The following SLC35F3 variants were observed in gnomAD, a reference collection of about 807,000 sequenced individuals.
The protein encoded by SLC35F3 is solute carrier family 35 member F3, also known as putative thiamine transporter SLC35F3.
A neutral mutation model predicts 49.9 loss-of-function variants in SLC35F3; 25 were observed. The ratio of observed to expected loss-of-function variants is 0.50; its 90% CI spans 0.37 to 0.70. The LOEUF is 0.70. SLC35F3 is among the 30% of genes least tolerant of loss of function. SLC35F3 has a pLI of 0.00. For synonymous variants in SLC35F3, 275 were observed against 265.4 expected, an observed-to-expected ratio of 1.04 and a Z score of -0.35; for missense variants, 525 against 639.8, an observed-to-expected ratio of 0.82 and a Z score of 1.94.
At chr1:234,024,315 G>A in intron 2 of SLC35F3, among the ~76,000 whole-genome samples, 1 of 152,114 alleles carries the variant, frequency 6.6e-6, no homozygotes, top group Non-Finnish European at 1.5e-5. Flanking sequence ...GGAAGATGCT[G>A]AGAACAGGAG....
intron 2 of SLC35F3, among the ~76,000 whole-genome samples, chr1:234,099,145 A>T (rs138968135): frequency 9.1e-4 from 138 of 152,226 alleles, no homozygotes; most frequent in African/African-American, 2.9e-3. Context: ...AAAAGGCAGA[A>T]ATCATATCAT....
chr1:234,121,725 C>G (rs1410504147), intron 2 of SLC35F3, among the ~76,000 whole-genome samples: 2 of 152,122 alleles, frequency 1.3e-5, no homozygotes, highest in East Asian at 1.9e-4. Flanking sequence ...CCTCCCACCC[C>G]CTGACAGGCC....
intron 3 of SLC35F3, among the ~76,000 whole-genome samples, chr1:234,265,402 G>T (rs2102970448): frequency 6.6e-6 from 1 of 151,706 alleles, no homozygotes; most frequent in South Asian, 2.1e-4. Flanking sequence ...TCAACTCCTG[G>T]ACTCAAGCGA....
intron 3 of SLC35F3, among the ~76,000 whole-genome samples, chr1:234,274,771 A>G (rs1344552318): frequency 6.6e-6 from 1 of 152,218 alleles, no homozygotes; most frequent in Non-Finnish European, 1.5e-5. Context: ...GTCCTCACAA[A>G]CATTAATCTT....
chr1:233,981,660 C>T lies in SLC35F3; in HGVS notation c.283+75902C>T, dbSNP rs112128252. On this transcript the variant is annotated intron_variant, in intron 2 of 7. Transcript: ENST00000366618. ...TTTGTGTGGACAGAATTCCACTTTT[C>T]TCTGGAAAAAAAAAAAAAGCTCAGG... 3.9e-3 allele frequency among the ~76,000 whole-genome samples: 570 copies of T among 147,040 alleles called. 3 individuals are homozygous for T. Among genetic ancestry groups the T allele is most frequent in the Non-Finnish European group, 5.9e-3 (395 of 67,400 alleles).
At chr1:233,934,150 G>A (rs1053289690) in intron 2 of SLC35F3, among the ~76,000 whole-genome samples, 1 of 152,110 alleles carries the variant, frequency 6.6e-6, no homozygotes, top group African/African-American at 2.4e-5. Flanking sequence ...ATGTCTTTAG[G>A]TTCAGAAGTA....
At chr1:233,928,265 A>G (rs555656229) in intron 2 of SLC35F3, among the ~76,000 whole-genome samples, 134 of 152,292 alleles carry the variant, frequency 8.8e-4, no homozygotes, top group Non-Finnish European at 1.1e-3. Flanking sequence ...AGGTCACACT[A>G]TGGGTTCTGT....
chr1:233,940,608 C>A (rs1044535189), intron 2 of SLC35F3, among the ~76,000 whole-genome samples: 5 of 152,204 alleles, frequency 3.3e-5, no homozygotes, highest in Non-Finnish European at 7.3e-5. Context: ...CCTGACAATA[C>A]AGCAGTAAGG....
chr1:234,105,368 G>A (rs1665271311), intron 2 of SLC35F3, among the ~76,000 whole-genome samples: 1 of 152,166 alleles, frequency 6.6e-6, no homozygotes, highest in Non-Finnish European at 1.5e-5. Context: ...AAGACCTTCT[G>A]TCCCCAGGGC....
At chr1:234,281,955 T>C (rs1668333325) in intron 3 of SLC35F3, among the ~76,000 whole-genome samples, 1 of 152,176 alleles carries the variant, frequency 6.6e-6, no homozygotes, top group African/African-American at 2.4e-5. Flanking sequence ...ACGCAATGGC[T>C]GTGAGGCTGA....
At chr1:233,923,349 G>C (rs984614565) in intron 2 of SLC35F3, among the ~76,000 whole-genome samples, 5 of 152,110 alleles carry the variant, frequency 3.3e-5, no homozygotes, top group Non-Finnish European at 7.3e-5. Context: ...AGTTCTCCTT[G>C]AAGAGGCCCT....
chr1:234,083,187 A>G (rs952857429), intron 2 of SLC35F3, among the ~76,000 whole-genome samples: 9 of 152,202 alleles, frequency 5.9e-5, no homozygotes, highest in Non-Finnish European at 1.2e-4. Context: ...CAAAACTGCA[A>G]CTATACTGGC....
intron 3 of SLC35F3, among the ~76,000 whole-genome samples, chr1:234,299,927 AAG>A (rs970445499): frequency 2.1e-4 from 32 of 152,230 alleles, no homozygotes; most frequent in Admixed American, 1.2e-3. Flanking sequence ...AAAACAGAGA[AAG>A]AGAGAGAAAA....
intron 3 of SLC35F3, among the ~76,000 whole-genome samples, chr1:234,238,693 C>A (rs984787127): frequency 6.6e-6 from 1 of 152,158 alleles, no homozygotes; most frequent in East Asian, 1.9e-4. Flanking sequence ...CCAAACACCC[C>A]TACAGACAAG....
intron 2 of SLC35F3, among the ~76,000 whole-genome samples, chr1:233,980,772 C>T (rs1441923402): frequency 6.6e-6 from 1 of 152,202 alleles, no homozygotes; most frequent in Non-Finnish European, 1.5e-5. Context: ...GCTCCCTTCA[C>T]ATCGTACTGT....
intron 2 of SLC35F3, among the ~76,000 whole-genome samples, chr1:233,979,445 G>A (rs902665594): frequency 6.6e-6 from 1 of 152,206 alleles, no homozygotes; most frequent in African/African-American, 2.4e-5. Flanking sequence ...AGGACATTTT[G>A]TCCTTATATT....
intron 2 of SLC35F3, among the ~76,000 whole-genome samples, chr1:234,218,715 T>G (rs933528027): frequency 6.6e-6 from 1 of 152,154 alleles, no homozygotes; most frequent in African/African-American, 2.4e-5. Context: ...GCATTTCATT[T>G]GAGTAGGAGA....
chr1:233,990,457 CA>C (rs139748354), intron 2 of SLC35F3, among the ~76,000 whole-genome samples: 4,977 of 152,124 alleles, frequency 0.033, 143 homozygotes, highest in East Asian at 0.16. Context: ...AAATAATATT[CA>C]GGGGGTGGAA....
intron 2 of SLC35F3, among the ~76,000 whole-genome samples, chr1:233,930,490 G>A (rs1344342874): frequency 6.6e-6 from 1 of 152,148 alleles, no homozygotes; most frequent in Non-Finnish European, 1.5e-5. Flanking sequence ...ATATTTTTAT[G>A]TGGTTCTCAG....
Sources: allele counts gnomAD v4.1 joint callset (sites outside exome capture counted in the v4.1 genomes callset), GRCh38; gene constraint gnomAD v4.1.1; transcripts MANE v1.5; gene names NCBI Gene and HGNC (gene_info 2026-07-23, HGNC 2026-07-21).